Variants in CFAP61 observed in about 807,000 individuals in gnomAD.
The protein encoded by CFAP61 is cilia and flagella associated protein 61.
CFAP61 carries 107 observed loss-of-function variants against 135.6 expected under a neutral mutation model. The observed-to-expected ratio is 0.79, with a 90% CI of 0.67 to 0.93. CFAP61 has a LOEUF of 0.93. Among genes scored for constraint, CFAP61 ranks in the 40% least tolerant of loss-of-function variants. CFAP61 has a pLI of 0.00. For missense variants in CFAP61, 1,507 were observed against 1,556.2 expected (o/e 0.97, Z 0.53); for synonymous variants, 575 against 578.5 (o/e 0.99, Z 0.09).
intron 24 of CFAP61, among the ~76,000 whole-genome samples, chr20:20,297,713 G>A (rs997184362): frequency 2.0e-5 from 3 of 152,136 alleles, no homozygotes; most frequent in African/African-American, 7.2e-5. Flanking sequence ...CCCAATCCCC[G>A]CCATCAGGCC....
chr20:20,156,130 C>G (rs1331482204), intron 9 of CFAP61, among the ~76,000 whole-genome samples: 2 of 152,030 alleles, frequency 1.3e-5, no homozygotes, highest in African/African-American at 4.8e-5. Flanking sequence ...TCCATGCAAC[C>G]AAACACCAAC....
intron 13 of CFAP61, chr20:20,172,088 C>A: frequency 1.7e-6 from 1 of 590,150 alleles, no homozygotes; most frequent in Non-Finnish European, 2.3e-6. Context: ...GGGCATGTGT[C>A]CAGTAAAAAA....
chr20:20,196,666 C>T lies in CFAP61; in HGVS notation c.1687C>T (p.Leu563Phe), dbSNP rs556490489. 2.9e-5 allele frequency: 47 copies of T among 1,614,154 alleles called. No individual in the cohort carries two copies. Among genetic ancestry groups the T allele is most frequent in the Non-Finnish European group, 3.7e-5 (44 of 1,180,016 alleles). The change falls in exon 16 of 27, where the codon CTC becomes TTC. Residue 563 changes from leucine (L) to phenylalanine (F), a missense_variant. Physicochemically the swap from Leu to Phe is conservative, Grantham distance 22. Transcript: ENST00000245957. The stretch of plus-strand genomic sequence containing the variant: ...ACACGGGCACATGCATCACTTTGCC[C>T]TCAACCCCATTTTCCGGCACTACAC... ...EEHGHMHHFA[L>F]NPIFRHYTKF...
intron 18 of CFAP61, 97 bp downstream of exon 18, chr20:20,228,473 T>C (rs1184108054): frequency 9.7e-7 from 1 of 1,029,476 alleles, no homozygotes; most frequent in African/African-American, 1.6e-5. Flanking sequence ...GACCTGAGAT[T>C]GTTTGGTACT....
chr20:20,188,015 T>C lies in CFAP61; in HGVS notation c.1471T>C (p.Leu491=), dbSNP rs1318228803. The stretch of plus-strand genomic sequence containing the variant: ...CACCCTCATGTTGAATAAAAGCATA[T>C]TGGAGGACTTAGACCGTTACAACAA... ...VSTLMLNKSI[L]EDLDRYNKAR... The change falls in exon 14 of 27, where the codon TTG becomes CTG. Residue 491 remains leucine (L), a synonymous_variant. Coordinates refer to ENST00000245957, the MANE Select transcript of CFAP61 (RefSeq NM_015585.4). 7 of 1,614,048 alleles carry C rather than the reference T, an allele frequency of 4.3e-6. No individual in the cohort carries two copies. Among genetic ancestry groups the C allele is most frequent in the Non-Finnish European group, 5.1e-6 (6 of 1,180,010 alleles).
intron 17 of CFAP61, among the ~76,000 whole-genome samples, chr20:20,207,663 A>G (rs910771330): frequency 6.6e-6 from 1 of 152,250 alleles, no homozygotes; most frequent in African/African-American, 2.4e-5. Flanking sequence ...AAAGAGGACA[A>G]TTAGAGCTGC....
At chr20:20,134,969 C>CT (rs10718342) in intron 8 of CFAP61, among the ~76,000 whole-genome samples, 213 of 147,732 alleles carry the variant, frequency 1.4e-3, no homozygotes, top group African/African-American at 3.6e-3. Context: ...TAAATGTCAC[C>CT]TTTTTTTTTT....
chr20:20,349,739 G>C (rs181445321), intron 26 of CFAP61, among the ~76,000 whole-genome samples: 50 of 152,300 alleles, frequency 3.3e-4, no homozygotes, highest in Admixed American at 5.9e-4. Context: ...TTTGAAAGAA[G>C]TGAATGACTA....
chr20:20,186,751 A>G (rs909691188), intron 13 of CFAP61, among the ~76,000 whole-genome samples: 8 of 152,202 alleles, frequency 5.3e-5, no homozygotes, highest in African/African-American at 1.9e-4. Flanking sequence ...ATATGGAAGC[A>G]TGTATTAAAA....
chr20:20,315,594 A>G (rs1206990527), intron 25 of CFAP61, among the ~76,000 whole-genome samples: 2 of 151,462 alleles, frequency 1.3e-5, no homozygotes, highest in Admixed American at 1.3e-4. Flanking sequence ...TTGGTGTTTT[A>G]GACATGAAGT....
In CFAP61 at chr20:20,205,914, C is replaced by T. The variant is rs75195309; in HGVS notation, c.1932+6012C>T. Among the ~76,000 whole-genome samples, 825 of 151,922 alleles carry T rather than the reference C, an allele frequency of 5.4e-3. 10 individuals carry two copies. Among genetic ancestry groups the T allele is most frequent in the African/African-American group, 0.018 (737 of 41,358 alleles). On this transcript the variant is annotated intron_variant, in intron 17 of 26. Transcript: ENST00000245957. The stretch of plus-strand genomic sequence containing the variant: ...TATGGAGGCTACATTATACATTTCC[C>T]AAGATTCAGTTCCATGTTGGATGTG...
chr20:20,132,043 A>G (rs912313555), intron 8 of CFAP61, among the ~76,000 whole-genome samples: 6 of 152,082 alleles, frequency 3.9e-5, no homozygotes, highest in Non-Finnish European at 5.9e-5. Flanking sequence ...TCTTGTGTAA[A>G]TGAAAGGTTA....
chr20:20,294,185 T>C (rs1601853770), intron 24 of CFAP61, among the ~76,000 whole-genome samples: 1 of 152,192 alleles, frequency 6.6e-6, no homozygotes, highest in African/African-American at 2.4e-5. Context: ...CCCTGCACCA[T>C]GTGGGCAGGG....
rs78449450 is a variant in CFAP61 at position 20,355,028 on chromosome 20, A to G, written c.3514-5182A>G. Among the ~76,000 whole-genome samples the G allele has an allele frequency of 1.6e-3, 66 of 41,890 alleles. 1 individual carries two copies. The highest frequency in any genetic ancestry group is 2.0e-3 in the Admixed American group (6 of 3,044). The allele number at this position is 41,890 out of a possible 152,430, so 27.5% of individuals were successfully genotyped here. A position where few individuals can be genotyped will look rare whatever the true frequency, so the allele number is the denominator to read the frequency against. On this transcript the variant is annotated intron_variant, in intron 26 of 26. Coordinates refer to ENST00000245957, the MANE Select transcript of CFAP61 (RefSeq NM_015585.4). Reference sequence around the variant, plus strand: ...TGGTCACACTGCAAGAGGGGAGGTGATCACACTGAGGGGAGGTGGTCACAC... The same window carrying G: ...TGGTCACACTGCAAGAGGGGAGGTGGTCACACTGAGGGGAGGTGGTCACAC...
intron 9 of CFAP61, among the ~76,000 whole-genome samples, chr20:20,155,996 A>G (rs909036979): frequency 1.3e-5 from 2 of 152,310 alleles, no homozygotes; most frequent in South Asian, 2.1e-4. Context: ...ACAATTTGCA[A>G]TTGCAAAAAT....
chr20:20,091,987 C>T (rs1257057063), intron 7 of CFAP61, among the ~76,000 whole-genome samples: 3 of 152,186 alleles, frequency 2.0e-5, no homozygotes, highest in African/African-American at 7.2e-5. Flanking sequence ...CAGCTAGTTC[C>T]TGCAATTCTT....
chr20:20,063,212 A>G (rs541074861), intron 2 of CFAP61, among the ~76,000 whole-genome samples: 33 of 152,348 alleles, frequency 2.2e-4, no homozygotes, highest in African/African-American at 7.5e-4. Flanking sequence ...AAAGATGGAG[A>G]ATACTTTTTA....
chr20:20,122,937 T>A (rs976340259), intron 8 of CFAP61, among the ~76,000 whole-genome samples: 16 of 151,750 alleles, frequency 1.1e-4, no homozygotes, highest in Admixed American at 2.6e-4. Flanking sequence ...CTGTTTTTTT[T>A]AATATATTTT....
intron 2 of CFAP61, among the ~76,000 whole-genome samples, chr20:20,064,220 T>C (rs6046588): frequency 0.46 from 70,499 of 151,982 alleles, 17,564 homozygotes; most frequent in Non-Finnish European, 0.55. Context: ...ACCATAACTT[T>C]TGTAGTTTGA....
Sources: gnomAD v4.1 joint callset for allele counts (sites outside exome capture counted in the v4.1 genomes callset) on GRCh38, gnomAD v4.1.1 for gene constraint, MANE v1.5 for transcripts, NCBI Gene and HGNC (gene_info 2026-07-23, HGNC 2026-07-21) for gene names.